The following TMEM132C variants were observed in gnomAD, a reference collection of about 807,000 sequenced individuals.
TMEM132C encodes the protein protein phosphatase 1, regulatory subunit 152.
A neutral mutation model predicts 61.4 loss-of-function variants in TMEM132C; 29 were observed. That is an observed-to-expected ratio of 0.47 (90% confidence interval 0.35 to 0.64). TMEM132C has a LOEUF of 0.64. TMEM132C is among the 30% of genes least tolerant of loss of function. TMEM132C has a pLI of 0.00. For missense variants in TMEM132C, 1,408 were observed against 1,476.9 expected (o/e 0.95, Z 0.76); for synonymous variants, 656 against 633.1 (o/e 1.04, Z -0.54).
rs550043577 is a variant in TMEM132C at position 128,276,560 on chromosome 12, G to A, written c.85+9073G>A. Among the ~76,000 whole-genome samples the A allele has an allele frequency of 1.2e-4, 18 of 152,238 alleles. No individual in the cohort carries two copies. The South Asian group carries it at 3.5e-3, about 30-fold the overall frequency. ...GATCTTAAGCTTCCCTTCTCCTTCT[G>A]AGTTCTCAGAGTCATGAAAACCATC... On this transcript the variant is annotated intron_variant, in intron 1 of 8. Coordinates refer to ENST00000435159, the MANE Select transcript of TMEM132C (RefSeq NM_001136103.3).
chr12:128,705,019 C>T, intron 8 of TMEM132C, 71 bp from the exon 9 acceptor site: 1 of 1,440,698 alleles, frequency 6.9e-7, no homozygotes, highest in South Asian at 1.5e-5. Flanking sequence ...CATTGGGCGT[C>T]CTCCTAGGAG....
intron 2 of TMEM132C, among the ~76,000 whole-genome samples, chr12:128,471,047 A>T (rs1333388924): frequency 1.3e-5 from 2 of 151,766 alleles, no homozygotes; most frequent in Non-Finnish European, 2.9e-5. Flanking sequence ...GAATCAAATG[A>T]CTCTTTGTGG....
intron 3 of TMEM132C, among the ~76,000 whole-genome samples, chr12:128,605,163 T>A (rs1346553381): frequency 6.7e-6 from 1 of 148,332 alleles, no homozygotes; most frequent in Non-Finnish European, 1.5e-5. Flanking sequence ...ACATAGATAA[T>A]GAGGAGTTGG....
At chr12:128,363,123 G>A (rs569845331) in intron 1 of TMEM132C, among the ~76,000 whole-genome samples, 5 of 152,136 alleles carry the variant, frequency 3.3e-5, no homozygotes, top group Non-Finnish European at 5.9e-5. Flanking sequence ...CCATCACTCC[G>A]TTTTGTAGGA....
At chr12:128,536,039 G>A (rs1350818663) in intron 2 of TMEM132C, among the ~76,000 whole-genome samples, 1 of 152,140 alleles carries the variant, frequency 6.6e-6, no homozygotes, top group African/African-American at 2.4e-5. Context: ...TCCCACTACT[G>A]GGTGTATACC....
chr12:128,348,240 C>T (rs1375355000), intron 1 of TMEM132C, among the ~76,000 whole-genome samples: 1 of 152,140 alleles, frequency 6.6e-6, no homozygotes, highest in Non-Finnish European at 1.5e-5. Context: ...TTGGATTGTT[C>T]ATTGTATCAT....
chr12:128,557,760 C>T (rs745838313), intron 3 of TMEM132C, among the ~76,000 whole-genome samples: 9 of 152,240 alleles, frequency 5.9e-5, no homozygotes, highest in Admixed American at 1.3e-4. Flanking sequence ...GGCTCCTTCT[C>T]ATATCTGGCT....
chr12:128,655,366 G>T (rs1328037668), intron 4 of TMEM132C, among the ~76,000 whole-genome samples: 1 of 152,142 alleles, frequency 6.6e-6, no homozygotes, highest in East Asian at 1.9e-4. Context: ...TTGTGTGCGT[G>T]TGTGTAATGT....
intron 1 of TMEM132C, among the ~76,000 whole-genome samples, chr12:128,336,022 C>T (rs941973761): frequency 3.9e-5 from 6 of 152,246 alleles, no homozygotes; most frequent in Middle Eastern, 3.4e-3. Flanking sequence ...TTTATTTTGC[C>T]TCTGTAGTAT....
At chr12:128,514,531 T>G (rs1593081529) in intron 2 of TMEM132C, among the ~76,000 whole-genome samples, 2 of 149,380 alleles carry the variant, frequency 1.3e-5, no homozygotes. Context: ...GCAGGCGGGG[T>G]GCGGGGGCGA....
intron 1 of TMEM132C, among the ~76,000 whole-genome samples, chr12:128,387,449 A>G (rs1874622909): frequency 2.0e-5 from 3 of 152,208 alleles, no homozygotes; most frequent in Non-Finnish European, 4.4e-5. Context: ...GGCTTTGAGT[A>G]ACTGAGTTCC....
chr12:128,383,417 G>C (rs977553631), intron 1 of TMEM132C, among the ~76,000 whole-genome samples: 1 of 152,176 alleles, frequency 6.6e-6, no homozygotes, highest in Non-Finnish European at 1.5e-5. Flanking sequence ...TAAGGAGCTC[G>C]CAGCCGTGCT....
At chr12:128,698,574 G>A (rs188772582) in intron 8 of TMEM132C, among the ~76,000 whole-genome samples, 18 of 152,322 alleles carry the variant, frequency 1.2e-4, no homozygotes, top group African/African-American at 4.1e-4. Context: ...TAGGCTTAAC[G>A]ATGTTGACTG....
intron 2 of TMEM132C, among the ~76,000 whole-genome samples, chr12:128,469,406 C>T (rs2136078482): frequency 6.6e-6 from 1 of 150,838 alleles, no homozygotes; most frequent in African/African-American, 2.4e-5. Context: ...GCCTCGACCT[C>T]CTGGGTTCAG....
intron 2 of TMEM132C, among the ~76,000 whole-genome samples, chr12:128,476,197 A>G (rs1871150151): frequency 1.3e-5 from 2 of 152,172 alleles, no homozygotes; most frequent in African/African-American, 2.4e-5. Context: ...TGTCCATTGG[A>G]TTAATTCGCT....
At chr12:128,469,652 GTGTGTGTGTGTA>G (rs1265480118) in intron 2 of TMEM132C, among the ~76,000 whole-genome samples, 3 of 150,824 alleles carry the variant, frequency 2.0e-5, no homozygotes, top group African/African-American at 7.3e-5. Context: ...GTGTGTGTGT[GTGTGTGTGTGTA>G]TATATATATA....
At chr12:128,308,072 G>A (rs2200455) in intron 1 of TMEM132C, among the ~76,000 whole-genome samples, 133,017 of 152,196 alleles carry the variant, frequency 0.87, 58,411 homozygotes, top group South Asian at 0.95. Context: ...ATCTGCAACA[G>A]TTAGGAAACA....
chr12:128,328,399 G>A (rs111910608), intron 1 of TMEM132C, among the ~76,000 whole-genome samples: 1,924 of 152,250 alleles, frequency 0.013, 31 homozygotes, highest in African/African-American at 0.035. Flanking sequence ...CTGACCCCCC[G>A]GCTTACATCA....
intron 1 of TMEM132C, among the ~76,000 whole-genome samples, chr12:128,355,338 G>T (rs1350348885): frequency 6.6e-6 from 1 of 152,098 alleles, no homozygotes; most frequent in Admixed American, 6.6e-5. Context: ...GGGTCCCTCT[G>T]GGGCTGCCAT....
Sources: allele counts gnomAD v4.1 joint callset (sites outside exome capture counted in the v4.1 genomes callset), GRCh38; gene constraint gnomAD v4.1.1; transcripts MANE v1.5; gene names NCBI Gene and HGNC (gene_info 2026-07-23, HGNC 2026-07-21).